Variants in LYAR observed in about 807,000 individuals in gnomAD.
LYAR encodes cell growth-regulating nucleolar protein.
In LYAR, 37 loss-of-function variants were observed where a neutral mutation model predicts 45.2. The ratio of observed to expected loss-of-function variants is 0.82; its 90% CI spans 0.63 to 1.08. The LOEUF (loss-of-function observed/expected upper bound fraction) is 1.08, where lower values mean the gene tolerates loss of function less well. Ranked by LOEUF, LYAR falls within the 50% of genes least tolerant of loss-of-function variation. The pLI, the probability that LYAR is intolerant of heterozygous loss-of-function variation, is 0.00. For missense variants in LYAR, 493 were observed against 451.0 expected, an observed-to-expected ratio of 1.09 and a Z score of -0.84; for synonymous variants, 176 against 155.1, an observed-to-expected ratio of 1.14 and a Z score of -1.00.
intron 7 of LYAR, among the ~76,000 whole-genome samples, chr4:4,273,954 T>C (rs1211015460): frequency 6.6e-6 from 1 of 152,148 alleles, no homozygotes; most frequent in African/African-American, 2.4e-5. Flanking sequence ...ACATAAGGTC[T>C]AGCTAGGTGC....
intron 6 of LYAR, among the ~76,000 whole-genome samples, chr4:4,277,743 T>G (rs1458388176): frequency 6.6e-6 from 1 of 152,182 alleles, no homozygotes; most frequent in East Asian, 1.9e-4. Context: ...AGCCAGGACC[T>G]TGGCCTAATT....
intron 6 of LYAR, among the ~76,000 whole-genome samples, chr4:4,275,234 G>A (rs1448998142): frequency 1.3e-5 from 2 of 152,162 alleles, no homozygotes; most frequent in African/African-American, 4.8e-5. Context: ...TAAAATGAAA[G>A]GTAGTAATAC....
Position 4,274,433 on chromosome 4 carries a change from T to TG in LYAR, c.765dup (p.Lys256GlnfsTer6). On this transcript the variant is annotated frameshift_variant, in exon 7 of 10. Transcript: ENST00000343470. LOFTEE classifies it high-confidence loss of function. ...GCCTCTTCCTCACTGGCGCTGTCCT[T>TG]GCGCTGCTTCTTCTTCTTGCTCCTC... 6.2e-7 allele frequency: 1 copy of TG among 1,614,178 alleles called. No individual in the cohort carries two copies. Among genetic ancestry groups the TG allele is most frequent in the Non-Finnish European group, 8.5e-7 (1 of 1,180,026 alleles).
Position 4,279,427 on chromosome 4 carries a change from TA to T in LYAR, c.429+19del. On this transcript the variant is annotated intron_variant, in intron 6 of 9. Transcript: ENST00000343470. Reference sequence around the variant, plus strand: ...AATTATTTTTGCCACAATGCAAATCTAAAATCAGATCTGACTTACGCTGTTG... The same window carrying T: ...AATTATTTTTGCCACAATGCAAATCTAAATCAGATCTGACTTACGCTGTTG... 1 of 1,541,288 alleles carries T rather than the reference TA, an allele frequency of 6.5e-7. No individual in the cohort carries two copies. The highest frequency in any genetic ancestry group is 8.9e-7 in the Non-Finnish European group (1 of 1,126,146).
At chr4:4,282,820 A>G (rs1719453671) in intron 3 of LYAR, among the ~76,000 whole-genome samples, 1 of 152,186 alleles carries the variant, frequency 6.6e-6, no homozygotes, top group East Asian at 1.9e-4. Context: ...GGCCAGGAAG[A>G]GCCTCACTTC....
In LYAR at chr4:4,274,512, A is replaced by C. The variant is rs1226086891; in HGVS notation, c.687T>G (p.Ala229=). ...KPKKRKKGQE[A]DLEAGGEEVP... is the part of the protein sequence containing the mutation. Reference sequence around the variant, plus strand: ...CTTCCTCCCCACCAGCCTCAAGGTCAGCCTCCTGTCCCTTTTTGCGCTTCT... The same window carrying C: ...CTTCCTCCCCACCAGCCTCAAGGTCCGCCTCCTGTCCCTTTTTGCGCTTCT... Residue 229 remains alanine, a synonymous_variant, in exon 7 of 10, where the codon GCT becomes GCG. Coordinates refer to ENST00000343470, the MANE Select transcript of LYAR (RefSeq NM_017816.3). The C allele has an allele frequency of 1.5e-5, 24 of 1,614,026 alleles. No homozygotes were observed. Among genetic ancestry groups the C allele is most frequent in the Non-Finnish European group, 1.9e-5 (23 of 1,180,036 alleles).
intron 1 of LYAR, 141 bp downstream of exon 1, chr4:4,289,895 C>T (rs551215154): frequency 5.9e-5 from 9 of 152,390 alleles, no homozygotes; most frequent in African/African-American, 2.2e-4. Context: ...TGCCACTTCC[C>T]CAGAGCAGGA....
At position 4,279,546 on chromosome 4, in the gene LYAR, A is replaced by T; in HGVS notation, c.346-16T>A. The T allele has an allele frequency of 6.3e-7, 1 of 1,597,656 alleles. No individual in the cohort carries two copies. Among genetic ancestry groups the T allele is most frequent in the Non-Finnish European group, 8.6e-7 (1 of 1,165,386 alleles). On this transcript the variant is annotated splice_polypyrimidine_tract_variant and intron_variant, in intron 5 of 9. Transcript: ENST00000343470. ...TCATCCAATTCTGTAAGAAAGAAAA[A>T]GAAAAAGAACTATTGATCCCACTTG...
chr4:4,274,907 A>AC (rs1427533936), intron 6 of LYAR, 138 bp from the exon 7 acceptor site: 2 of 721,770 alleles, frequency 2.8e-6, no homozygotes, highest in Admixed American at 6.3e-5. Context: ...TATAACTGTG[A>AC]CCCCCACCAA....
chr4:4,275,197 T>C (rs1016955801), intron 6 of LYAR, among the ~76,000 whole-genome samples: 3 of 152,208 alleles, frequency 2.0e-5, no homozygotes, highest in Non-Finnish European at 2.9e-5. Flanking sequence ...AAGTCATTTA[T>C]CTTTTCCAAA....
chr4:4,281,166 T>C (rs1188235254), intron 4 of LYAR, among the ~76,000 whole-genome samples: 1 of 152,174 alleles, frequency 6.6e-6, no homozygotes, highest in Non-Finnish European at 1.5e-5. Flanking sequence ...CCATTATCAC[T>C]AGAAGCAGGG....
intron 4 of LYAR, among the ~76,000 whole-genome samples, chr4:4,280,489 C>T (rs1051778043): frequency 1.3e-5 from 2 of 152,138 alleles, no homozygotes; most frequent in East Asian, 3.8e-4. Context: ...AAAAGAACAA[C>T]AAAAATGCAG....
At chr4:4,288,777 C>T (rs911204618) in intron 1 of LYAR, among the ~76,000 whole-genome samples, 3 of 152,224 alleles carry the variant, frequency 2.0e-5, no homozygotes, top group Non-Finnish European at 2.9e-5. Context: ...CGGGCCACTG[C>T]GCTTGGCCTT....
chr4:4,274,228 C>T (rs1719076142), intron 7 of LYAR, 139 bp downstream of exon 7: 3 of 982,570 alleles, frequency 3.1e-6, no homozygotes, highest in East Asian at 2.4e-5. Flanking sequence ...CAGAGCAAGA[C>T]TCCGTCTCAA....
chr4:4,286,292 T>C (rs1719607882), intron 2 of LYAR, among the ~76,000 whole-genome samples: 1 of 152,202 alleles, frequency 6.6e-6, no homozygotes, highest in Admixed American at 6.5e-5. Flanking sequence ...CTGTAATTTA[T>C]GCCATAAACA....
intron 8 of LYAR, among the ~76,000 whole-genome samples, chr4:4,269,492 C>A (rs73087743): frequency 0.045 from 6,790 of 152,234 alleles, 315 homozygotes; most frequent in African/African-American, 0.12. Flanking sequence ...GGGGTCTCAT[C>A]CACACAGGCC....
intron 8 of LYAR, among the ~76,000 whole-genome samples, chr4:4,271,343 G>A (rs1192724187): frequency 6.6e-6 from 1 of 152,136 alleles, no homozygotes; most frequent in Non-Finnish European, 1.5e-5. Context: ...CAAACGACAG[G>A]ATCTCATTCT....
intron 7 of LYAR, among the ~76,000 whole-genome samples, chr4:4,273,882 C>T (rs112336461): frequency 5.3e-5 from 8 of 152,294 alleles, no homozygotes; most frequent in African/African-American, 1.4e-4. Flanking sequence ...GGTCATTTGC[C>T]TGGGCAGGGC....
chr4:4,277,814 A>C (rs564918610), intron 6 of LYAR, among the ~76,000 whole-genome samples: 1 of 152,182 alleles, frequency 6.6e-6, no homozygotes. Flanking sequence ...AAAGCATCCG[A>C]CCTGACATCT....
Sources: gnomAD v4.1 joint callset for allele counts (sites outside exome capture counted in the v4.1 genomes callset) on GRCh38, gnomAD v4.1.1 for gene constraint, MANE v1.5 for transcripts, NCBI Gene and HGNC (gene_info 2026-07-23, HGNC 2026-07-21) for gene names.